The following DRC8 variants were observed in gnomAD, a reference collection of about 807,000 sequenced individuals.
The protein encoded by DRC8 is dynein regulatory complex protein 8.
chr1:245,064,259 A>G, the DRC8 span, among the ~76,000 whole-genome samples: 1 of 152,206 alleles, frequency 6.6e-6, no homozygotes, highest in East Asian at 1.9e-4. Flanking sequence ...TCCTCATCAG[A>G]TCCAAGGAGT....
the DRC8 span, among the ~76,000 whole-genome samples, chr1:245,003,692 T>A: frequency 3.9e-5 from 6 of 152,162 alleles, no homozygotes; most frequent in Non-Finnish European, 7.4e-5. Context: ...TGGGCTCAAG[T>A]GATCCTTCCA....
At chr1:245,049,415 C>G in the DRC8 span, among the ~76,000 whole-genome samples, 1 of 152,196 alleles carries the variant, frequency 6.6e-6, no homozygotes, top group Non-Finnish European at 1.5e-5. This position sits in a 1 kb window ranked among gnomAD's most constrained non-coding sequence, Gnocchi z 4.5. Flanking sequence ...CTGCTTCTTG[C>G]AGGTGCATTT....
the DRC8 span, among the ~76,000 whole-genome samples, chr1:245,057,747 G>C: frequency 1.3e-5 from 2 of 152,038 alleles, no homozygotes; most frequent in Non-Finnish European, 2.9e-5. Context: ...ATCAAGTCAG[G>C]GCAATTGGGA....
At chr1:245,037,672 T>C in the DRC8 span, among the ~76,000 whole-genome samples, 1 of 152,164 alleles carries the variant, frequency 6.6e-6, no homozygotes, top group Non-Finnish European at 1.5e-5. Flanking sequence ...CGTTAAATGG[T>C]AGAAGGTAGA....
At chr1:245,046,778 G>T in the DRC8 span, among the ~76,000 whole-genome samples, 5,260 of 152,204 alleles carry the variant, frequency 0.035, 320 homozygotes, top group African/African-American at 0.12. Context: ...AGAGGAAAGG[G>T]CGATTAATAT....
At chr1:245,059,392 T>C in the DRC8 span, 3 of 1,609,970 alleles carry the variant, frequency 1.9e-6, no homozygotes, top group Non-Finnish European at 2.5e-6. Context: ...CCAGAGAGAT[T>C]GGAACAATTA....
the DRC8 span, chr1:244,971,164 C>T: frequency 6.6e-6 from 1 of 152,480 alleles, no homozygotes; most frequent in Non-Finnish European, 1.5e-5. Flanking sequence ...GCCTGCCCCG[C>T]CGCCGGCTAG....
chr1:244,970,037 G>T, the DRC8 span: 2 of 614,620 alleles, frequency 3.3e-6, no homozygotes, highest in Non-Finnish European at 5.8e-6. Flanking sequence ...ACAGGAGGGG[G>T]CGAGGGGTGT....
At chr1:245,111,269 A>G in the DRC8 span, among the ~76,000 whole-genome samples, 1 of 152,112 alleles carries the variant, frequency 6.6e-6, no homozygotes, top group Non-Finnish European at 1.5e-5. Context: ...AGACCACCAA[A>G]TGCATGTGGG....
At chr1:244,982,398 C>T in the DRC8 span, among the ~76,000 whole-genome samples, 4 of 152,210 alleles carry the variant, frequency 2.6e-5, no homozygotes, top group Non-Finnish European at 4.4e-5. Context: ...GGCTTGGTGA[C>T]GCATGCCTGT....
the DRC8 span, among the ~76,000 whole-genome samples, chr1:245,049,556 A>T: frequency 1.3e-5 from 2 of 152,176 alleles, no homozygotes; most frequent in Non-Finnish European, 2.9e-5. This position sits in a 1 kb window ranked among gnomAD's most constrained non-coding sequence, Gnocchi z 4.5. Context: ...TGCCCCACCT[A>T]AACAAATAAA....
the DRC8 span, among the ~76,000 whole-genome samples, chr1:245,040,732 A>G: frequency 6.6e-6 from 1 of 152,182 alleles, no homozygotes; most frequent in African/African-American, 2.4e-5. Context: ...GATTGAGCCC[A>G]TGAGTTCAGG....
chr1:245,042,752 T>C, the DRC8 span, among the ~76,000 whole-genome samples: 4 of 152,230 alleles, frequency 2.6e-5, no homozygotes. Context: ...CTCTTATAAT[T>C]GTGTGAAATA....
the DRC8 span, among the ~76,000 whole-genome samples, chr1:245,027,032 G>T: frequency 1.3e-5 from 2 of 152,108 alleles, no homozygotes; most frequent in African/African-American, 4.8e-5. Context: ...ATTGGCTGTC[G>T]TATTTTCTCC....
the DRC8 span, among the ~76,000 whole-genome samples, chr1:245,034,738 A>C: frequency 6.6e-6 from 1 of 152,018 alleles, no homozygotes; most frequent in African/African-American, 2.4e-5. Flanking sequence ...CAGAACATCC[A>C]ACTCAAAAAA....
At chr1:245,010,687 T>C in the DRC8 span, among the ~76,000 whole-genome samples, 1 of 146,280 alleles carries the variant, frequency 6.8e-6, no homozygotes, top group Non-Finnish European at 1.5e-5. Flanking sequence ...CTTTCTTTTT[T>C]TTTTTTTTTT....
chr1:245,044,738 G>A, the DRC8 span, among the ~76,000 whole-genome samples: 2 of 151,642 alleles, frequency 1.3e-5, no homozygotes, highest in Middle Eastern at 3.4e-3. Flanking sequence ...GGCTATTTGT[G>A]TGTGTGTGTT....
At chr1:245,097,386 C>T in the DRC8 span, among the ~76,000 whole-genome samples, 1 of 151,940 alleles carries the variant, frequency 6.6e-6, no homozygotes, top group African/African-American at 2.4e-5. The surrounding 1 kb of genome is among the most constrained non-coding windows in gnomAD (Gnocchi z 5.0). Flanking sequence ...GGCATGGTGG[C>T]GGGCGCCTGT....
chr1:245,054,690 A>G, the DRC8 span, among the ~76,000 whole-genome samples: 1 of 152,128 alleles, frequency 6.6e-6, no homozygotes, highest in African/African-American at 2.4e-5. Context: ...TTTCCCAGCC[A>G]ATACATTCTA....
Sources: allele counts gnomAD v4.1 joint callset (sites outside exome capture counted in the v4.1 genomes callset), GRCh38; gene constraint gnomAD v4.1.1; non-coding constraint Gnocchi (gnomAD v3.1); transcripts MANE v1.5; gene names NCBI Gene and HGNC (gene_info 2026-07-23, HGNC 2026-07-21).